The following ATP8A2 variants were observed in gnomAD, a reference collection of about 807,000 sequenced individuals.
ATP8A2 encodes ATPase phospholipid transporting 8A2, also known as phospholipid-transporting ATPase IB.
ATP8A2 carries 100 observed loss-of-function variants against 165.6 expected under a neutral mutation model. The ratio of observed to expected loss-of-function variants is 0.60; its 90% CI spans 0.51 to 0.71. The LOEUF (loss-of-function observed/expected upper bound fraction) is 0.71. Among genes scored for constraint, ATP8A2 ranks in the 30% least tolerant of loss-of-function variants. The pLI, the probability that ATP8A2 is intolerant of heterozygous loss-of-function variation, is 0.00. For missense variants in ATP8A2, 1,227 were observed against 1,479.5 expected, an observed-to-expected ratio of 0.83 and a Z score of 2.80; for synonymous variants, 543 against 548.8, an observed-to-expected ratio of 0.99 and a Z score of 0.15.
chr13:25,435,216 T>G (rs2034725026), intron 1 of ATP8A2, among the ~76,000 whole-genome samples: 1 of 149,560 alleles, frequency 6.7e-6, no homozygotes, highest in African/African-American at 2.5e-5. Context: ...CACCTCCCGG[T>G]TTCAAGCGAT....
chr13:26,015,156 T>C (rs1956939910), intron 36 of ATP8A2, among the ~76,000 whole-genome samples: 1 of 152,036 alleles, frequency 6.6e-6, no homozygotes, highest in African/African-American at 2.4e-5. Flanking sequence ...ACTGAATAAA[T>C]ATAAGAAATA....
chr13:25,692,331 C>A (rs910010082), intron 24 of ATP8A2, among the ~76,000 whole-genome samples: 1 of 152,150 alleles, frequency 6.6e-6, no homozygotes, highest in Non-Finnish European at 1.5e-5. Context: ...CAGCTCTGAG[C>A]CCACTGGAAT....
chr13:25,617,526 A>G (rs1442004544), intron 24 of ATP8A2, among the ~76,000 whole-genome samples: 1 of 152,234 alleles, frequency 6.6e-6, no homozygotes, highest in Non-Finnish European at 1.5e-5. Context: ...AGTTTGGCAG[A>G]ATAAAACTGA....
At chr13:25,665,506 A>T (rs2042134598) in intron 24 of ATP8A2, among the ~76,000 whole-genome samples, 1 of 151,834 alleles carries the variant, frequency 6.6e-6, no homozygotes, top group Non-Finnish European at 1.5e-5. Context: ...TGGTAGGGGC[A>T]TACTTTCAAT....
At chr13:25,400,773 C>T (rs1241294882) in intron 1 of ATP8A2, among the ~76,000 whole-genome samples, 1 of 152,182 alleles carries the variant, frequency 6.6e-6, no homozygotes, top group African/African-American at 2.4e-5. Context: ...CTTGGGCCTC[C>T]TATGCTGTGG....
chr13:25,847,815 C>T (rs1188658672), intron 30 of ATP8A2, among the ~76,000 whole-genome samples: 1 of 152,166 alleles, frequency 6.6e-6, no homozygotes, highest in Non-Finnish European at 1.5e-5. Context: ...CCTCCCCTGC[C>T]TGCATGCCTT....
At chr13:25,586,600 T>C (rs2138273382) in intron 23 of ATP8A2, among the ~76,000 whole-genome samples, 1 of 152,350 alleles carries the variant, frequency 6.6e-6, no homozygotes, top group Admixed American at 6.5e-5. Flanking sequence ...GTGTTTTTCA[T>C]ACAGGCAAAC....
chr13:25,457,408 T>C (rs569109905), intron 1 of ATP8A2, among the ~76,000 whole-genome samples: 9 of 152,314 alleles, frequency 5.9e-5, no homozygotes, highest in Admixed American at 1.3e-4. Flanking sequence ...AATGATCATA[T>C]AGATAAGGAT....
intron 33 of ATP8A2, among the ~76,000 whole-genome samples, chr13:25,904,718 A>G (rs954526376): frequency 2.6e-5 from 4 of 152,124 alleles, no homozygotes; most frequent in African/African-American, 9.7e-5. Context: ...CCCGGTAATT[A>G]ATGGTTGCTT....
chr13:25,649,986 G>A (rs2041771948), intron 24 of ATP8A2, among the ~76,000 whole-genome samples: 1 of 152,112 alleles, frequency 6.6e-6, no homozygotes, highest in African/African-American at 2.4e-5. Flanking sequence ...ATTCCGCTGT[G>A]TTCCCTTTGA....
intron 33 of ATP8A2, among the ~76,000 whole-genome samples, chr13:25,890,383 A>G (rs549360631): frequency 2.6e-5 from 4 of 152,200 alleles, no homozygotes; most frequent in Non-Finnish European, 4.4e-5. Flanking sequence ...CAAATATTAG[A>G]TAGAAGAAAA....
intron 24 of ATP8A2, among the ~76,000 whole-genome samples, chr13:25,617,090 T>G (rs953134178): frequency 1.2e-4 from 19 of 152,346 alleles, no homozygotes; most frequent in African/African-American, 3.8e-4. Flanking sequence ...AATTACAGTT[T>G]TAGTAGCAGA....
rs1023241344 is a variant in ATP8A2 at position 25,892,761 on chromosome 13, G to C, written c.3183+30353G>C. Among the ~76,000 whole-genome samples, 4 of 151,194 alleles carry C rather than the reference G, an allele frequency of 2.6e-5. No homozygotes were observed. The East Asian group carries it at 5.8e-4, about 22-fold the overall frequency. On this transcript the variant is annotated intron_variant, in intron 33 of 36. Transcript: ENST00000381655. ...ACGTCTGTGACTGTATGGGGCCACA[G>C]TTTGGGTCTCAACTTTGTGTGAAGC...
At chr13:25,992,534 T>C (rs1354908453) in intron 35 of ATP8A2, among the ~76,000 whole-genome samples, 4 of 152,188 alleles carry the variant, frequency 2.6e-5, no homozygotes, top group African/African-American at 4.8e-5. Context: ...AATAGGGCCT[T>C]TCATAGAAGA....
At chr13:25,921,193 A>G (rs1360931118) in intron 33 of ATP8A2, among the ~76,000 whole-genome samples, 1 of 152,222 alleles carries the variant, frequency 6.6e-6, no homozygotes. Flanking sequence ...GCAATGACTC[A>G]GGAATGAGAT....
chr13:25,727,969 C>G (rs1194044691), intron 25 of ATP8A2, among the ~76,000 whole-genome samples: 1 of 152,100 alleles, frequency 6.6e-6, no homozygotes, highest in Non-Finnish European at 1.5e-5. Flanking sequence ...AGTCACGTGA[C>G]CCTACTCACC....
chr13:25,771,809 C>T lies in ATP8A2; in HGVS notation c.2568+2580C>T, dbSNP rs140670625. ...ACCTCATAACCTTTGCACCAACCAA[C>T]ATGCTGCCTCTACCTTAGTCACCAT... On this transcript the variant is annotated intron_variant, in intron 26 of 36. Transcript: ENST00000381655. 3.5e-3 allele frequency among the ~76,000 whole-genome samples: 532 copies of T among 152,346 alleles called. 3 individuals are homozygous for T. The highest frequency in any genetic ancestry group is 0.012 in the African/African-American group (517 of 41,574).
chr13:25,724,890 A>T (rs1335764068), intron 25 of ATP8A2, among the ~76,000 whole-genome samples: 2 of 152,204 alleles, frequency 1.3e-5, no homozygotes, highest in Non-Finnish European at 2.9e-5. Context: ...AGTTCAGGAA[A>T]CCATTGCCTC....
chr13:25,994,504 T>TGG (rs1956457137), intron 35 of ATP8A2, among the ~76,000 whole-genome samples: 1 of 152,166 alleles, frequency 6.6e-6, no homozygotes. Flanking sequence ...TGGTGCTAGC[T>TGG]GCAGGTGTTT....
Sources: gnomAD v4.1 joint callset for allele counts (sites outside exome capture counted in the v4.1 genomes callset) on GRCh38, gnomAD v4.1.1 for gene constraint, MANE v1.5 for transcripts, NCBI Gene and HGNC (gene_info 2026-07-23, HGNC 2026-07-21) for gene names.